The following VPS13C variants were observed in gnomAD, a reference collection of about 807,000 sequenced individuals.
The protein encoded by VPS13C is vacuolar protein sorting 13 homolog C, also known as intermembrane lipid transfer protein VPS13C.
A neutral mutation model predicts 456.8 loss-of-function variants in VPS13C; 358 were observed. The observed-to-expected ratio is 0.78, with a 90% CI of 0.72 to 0.86. VPS13C has a LOEUF of 0.86. Ranked by LOEUF, VPS13C falls within the 40% of genes least tolerant of loss-of-function variation. The pLI, the probability that VPS13C is intolerant of heterozygous loss-of-function variation, is 0.00. For missense variants in VPS13C, 4,818 were observed against 4,385.4 expected, an observed-to-expected ratio of 1.10 and a Z score of -2.79; for synonymous variants, 1,578 against 1,486.7, an observed-to-expected ratio of 1.06 and a Z score of -1.41.
At chr15:61,895,060 CA>C (rs2042766092) in intron 66 of VPS13C, among the ~76,000 whole-genome samples, 1 of 152,026 alleles carries the variant, frequency 6.6e-6, no homozygotes, top group South Asian at 2.1e-4. Context: ...AAAGCAATAA[CA>C]ACAGGAATTT....
At chr15:62,050,676 C>T (rs1024337956) in intron 1 of VPS13C, among the ~76,000 whole-genome samples, 2 of 151,936 alleles carry the variant, frequency 1.3e-5, no homozygotes, top group African/African-American at 2.4e-5. Context: ...GTGGCAGGTG[C>T]CTGTCATCTC....
chr15:62,030,737 A>C (rs1488062060), intron 5 of VPS13C, among the ~76,000 whole-genome samples: 1 of 152,084 alleles, frequency 6.6e-6, no homozygotes, highest in Admixed American at 6.6e-5. Context: ...AAGAGAAGTA[A>C]ACTCCGTGAC....
At chr15:61,970,159 G>C (rs546629879) in intron 27 of VPS13C, among the ~76,000 whole-genome samples, 22 of 152,226 alleles carry the variant, frequency 1.4e-4, no homozygotes, top group Non-Finnish European at 2.6e-4. Context: ...GCCATAAGTA[G>C]GTGTTTCAGT....
intron 81 of VPS13C, chr15:61,863,764 G>A: frequency 2.7e-5 from 9 of 330,882 alleles, no homozygotes; most frequent in South Asian, 1.2e-4. Flanking sequence ...GTGGTCTTCT[G>A]GTAAAATACA....
intron 1 of VPS13C, among the ~76,000 whole-genome samples, chr15:62,046,105 T>A (rs543723130): frequency 4.7e-4 from 71 of 151,926 alleles, no homozygotes; most frequent in Non-Finnish European, 9.7e-4. Flanking sequence ...TCGAAAACTA[T>A]AATAAAGGAA....
chr15:61,874,743 CAT>C (rs1168715543), intron 77 of VPS13C, 131 bp downstream of exon 77: 2 of 729,794 alleles, frequency 2.7e-6, no homozygotes, highest in Non-Finnish European at 4.0e-6. Flanking sequence ...ACATGGGAAA[CAT>C]GTCTTTTAAA....
At chr15:61,869,832 G>C (rs573565525) in intron 79 of VPS13C, among the ~76,000 whole-genome samples, 153 of 152,270 alleles carry the variant, frequency 1.0e-3, no homozygotes, top group African/African-American at 3.6e-3. Context: ...CCCCACCCCA[G>C]ACCTACTGAA....
At chr15:62,024,039 T>C (rs1006233607) in intron 6 of VPS13C, among the ~76,000 whole-genome samples, 194 bp from the exon 7 acceptor site, 10 of 152,060 alleles carry the variant, frequency 6.6e-5, no homozygotes, top group African/African-American at 1.9e-4. Context: ...TAACCTTCTA[T>C]TGTAAAGAAT....
In VPS13C at chr15:61,920,493, C is replaced by T. The variant is rs775257538; in HGVS notation, c.7212+5G>A. 4 of 1,520,538 alleles carry T rather than the reference C, an allele frequency of 2.6e-6. No individual in the cohort carries two copies. The highest frequency in any genetic ancestry group is 3.5e-6 in the Non-Finnish European group (4 of 1,134,892). The allele number at this position is 1,520,538 out of a possible 1,614,324, so 94.2% of individuals were successfully genotyped here. On this transcript the variant is annotated splice_donor_5th_base_variant and intron_variant, in intron 56 of 84. Coordinates refer to ENST00000644861, the MANE Select transcript of VPS13C (RefSeq NM_020821.3). ...TGAAATATTCTAAGCAAGATTCAGA[C>T]ATACTTTTGCTAAATTGTTGAAAAC...
intron 46 of VPS13C, 151 bp downstream of exon 46, chr15:61,941,612 C>G: frequency 3.9e-6 from 3 of 763,266 alleles, no homozygotes; most frequent in Non-Finnish European, 6.0e-6. Flanking sequence ...GACTGTTTAA[C>G]CACTGACCAA....
At chr15:61,925,911 T>TA (rs2043831132) in intron 52 of VPS13C, among the ~76,000 whole-genome samples, 2 of 152,192 alleles carry the variant, frequency 1.3e-5, no homozygotes, top group African/African-American at 4.8e-5. Context: ...AAGACTGTGG[T>TA]AAGGTAGGTA....
chr15:61,965,298 A>G (rs1178136058), intron 30 of VPS13C, among the ~76,000 whole-genome samples: 1 of 151,924 alleles, frequency 6.6e-6, no homozygotes, highest in Non-Finnish European at 1.5e-5. Flanking sequence ...ATTTAAATAT[A>G]AAAAGGACAA....
Position 61,962,730 on chromosome 15 carries a change from T to C in VPS13C, c.3435+19A>G, listed in dbSNP as rs1309431660. The C allele has an allele frequency of 2.6e-6, 4 of 1,512,312 alleles. No individual in the cohort carries two copies. Among genetic ancestry groups the C allele is most frequent in the Non-Finnish European group, 3.6e-6 (4 of 1,105,504 alleles). 93.7% of individuals were successfully genotyped at this position (1,512,312 alleles called of 1,614,324 possible). On this transcript the variant is annotated intron_variant, in intron 33 of 84. Transcript: ENST00000644861. ...TTCAGTCATTAAAGAATATTAACTA[T>C]CTGTTTACAATCACCTACTTTCTTA... is the stretch of plus-strand genomic sequence containing the variant.
chr15:62,037,396 TTA>T (rs1436374556), intron 3 of VPS13C, among the ~76,000 whole-genome samples: 3 of 90,200 alleles, frequency 3.3e-5, no homozygotes, highest in Non-Finnish European at 6.7e-5. Flanking sequence ...ATATAATATA[TTA>T]TATATAAATA....
chr15:61,871,388 G>A (rs1895019127), intron 79 of VPS13C, among the ~76,000 whole-genome samples: 1 of 152,096 alleles, frequency 6.6e-6, no homozygotes, highest in Non-Finnish European at 1.5e-5. Context: ...CCTTGTCGAA[G>A]ATCAGTTAAC....
At chr15:62,060,246 C>A (rs766217086) in intron 1 of VPS13C, 29 bp downstream of exon 1, 35 of 1,438,590 alleles carry the variant, frequency 2.4e-5, no homozygotes, top group Non-Finnish European at 3.3e-5. Flanking sequence ...TCAGCGCCCG[C>A]AGCCCACTGG....
intron 82 of VPS13C, 24 bp from the exon 83 acceptor site, chr15:61,856,433 A>T (rs1893908803): frequency 6.2e-7 from 1 of 1,609,764 alleles, no homozygotes; most frequent in Non-Finnish European, 8.5e-7. Flanking sequence ...GAAAACAAAA[A>T]CTTACAGTAA....
At chr15:61,902,377 A>T (rs1211640368) in intron 66 of VPS13C, among the ~76,000 whole-genome samples, 2 of 152,138 alleles carry the variant, frequency 1.3e-5, no homozygotes, top group African/African-American at 2.4e-5. Flanking sequence ...AATACTTCTA[A>T]ACTCATTTTA....
Position 62,048,820 on chromosome 15 carries a change from G to A in VPS13C, c.101-4565C>T, listed in dbSNP as rs1392077526. 8.0e-4 allele frequency among the ~76,000 whole-genome samples: 122 copies of A among 151,824 alleles called. No homozygotes were observed. The Middle Eastern group carries it at 0.01, about 13-fold the overall frequency. On this transcript the variant is annotated intron_variant, in intron 1 of 84. Transcript: ENST00000644861. Reference sequence around the variant, plus strand: ...TCTAACTGGTGTGAGATGGTATCTCGTTGTGGTTTTGATTTGCATTTCTCT... The same window carrying A: ...TCTAACTGGTGTGAGATGGTATCTCATTGTGGTTTTGATTTGCATTTCTCT...
Sources: allele counts gnomAD v4.1 joint callset (sites outside exome capture counted in the v4.1 genomes callset), GRCh38; gene constraint gnomAD v4.1.1; transcripts MANE v1.5; gene names NCBI Gene and HGNC (gene_info 2026-07-23, HGNC 2026-07-21).